KCNQ1OT1: variants seen among roughly 807,000 people sequenced by gnomAD.
KCNQ1OT1 encodes the protein KCNQ1 antisense RNA 2 (non-protein coding).
chr11:2,679,183 G>T lies in KCNQ1OT1; in HGVS notation n.20812C>A. 1 of 398,632 alleles carries T rather than the reference G, an allele frequency of 2.5e-6. No individual in the cohort carries two copies. Among genetic ancestry groups the T allele is most frequent in the Non-Finnish European group, 4.4e-6 (1 of 226,094 alleles). The allele number at this position is 398,632 out of a possible 1,614,324, so 24.7% of individuals were successfully genotyped here. On this transcript the variant is annotated non_coding_transcript_exon_variant, in exon 1 of 1. Transcript: ENST00000597346. The surrounding 1 kb of genome is among the most constrained non-coding windows in gnomAD (Gnocchi z 4.8). ...CGACTCAGTTTCCATGTCTGAGTTA[G>T]GCCACCTGTAACAATGCAGCCCCAT...
At position 2,611,229 on chromosome 11, in the gene KCNQ1OT1, T is replaced by C. The variant is rs921672199; in HGVS notation, n.88766A>G. 1 of 398,306 alleles carries C rather than the reference T, an allele frequency of 2.5e-6. No individual in the cohort carries two copies. Among genetic ancestry groups the C allele is most frequent in the Middle Eastern group, 6.3e-4 (1 of 1,588 alleles). 24.7% of individuals were successfully genotyped at this position (398,306 alleles called of 1,614,324 possible). ...TTTGTCTGATTTTATTTATTTTTAT[T>C]TTATTTTTGGGATGGAGTCTCACTC... is the stretch of plus-strand genomic sequence containing the variant. On this transcript the variant is annotated non_coding_transcript_exon_variant, in exon 1 of 1. Transcript: ENST00000597346. The surrounding 1 kb of genome is among the most constrained non-coding windows in gnomAD (Gnocchi z 5.3).
rs2133811956 is a variant in KCNQ1OT1 at position 2,627,658 on chromosome 11, T to C, written n.72337A>G. ...TGCTTTTTAAAGGATGAATATTTCATTGTGTGTGTGTATATATGTGTGTGT... is the reference window on the plus strand; with the variant it reads ...TGCTTTTTAAAGGATGAATATTTCACTGTGTGTGTGTATATATGTGTGTGT... On this transcript the variant is annotated non_coding_transcript_exon_variant, in exon 1 of 1. Coordinates refer to ENST00000597346, the Ensembl canonical transcript of KCNQ1OT1. This position sits in a 1 kb window ranked among gnomAD's most constrained non-coding sequence, Gnocchi z 4.9. 1 of 398,488 alleles carries C rather than the reference T, an allele frequency of 2.5e-6. No homozygotes were observed. 24.7% of individuals were successfully genotyped at this position (398,488 alleles called of 1,614,324 possible).
Position 2,669,075 on chromosome 11 carries a change from G to C in KCNQ1OT1, n.30920C>G, listed in dbSNP as rs577007419. 2.5e-6 allele frequency: 1 copy of C among 398,570 alleles called. No homozygotes were observed. Among genetic ancestry groups the C allele is most frequent in the Non-Finnish European group, 4.4e-6 (1 of 226,110 alleles). The allele number at this position is 398,570 out of a possible 1,614,324, so 24.7% of individuals were successfully genotyped here. ...CCCGTCCTCTCCCAACTACCCTGCC[G>C]TATCAGTGTCTTTACAATCAGCTCA... On this transcript the variant is annotated non_coding_transcript_exon_variant, in exon 1 of 1. Transcript: ENST00000597346. This position sits in a 1 kb window ranked among gnomAD's most constrained non-coding sequence, Gnocchi z 5.6.
exon 1 of KCNQ1OT1, chr11:2,614,562 A>G (rs79631790): frequency 0.017 from 6,682 of 398,464 alleles, 283 homozygotes; most frequent in East Asian, 0.11. Flanking sequence ...TTTATATGCT[A>G]TGAGTTATGG....
exon 1 of KCNQ1OT1, chr11:2,643,057 A>C: frequency 2.5e-6 from 1 of 398,030 alleles, no homozygotes; most frequent in Non-Finnish European, 4.4e-6. Context: ...ATATATATTT[A>C]AAATCATACT....
exon 1 of KCNQ1OT1, chr11:2,615,984 T>C: frequency 2.5e-6 from 1 of 398,206 alleles, no homozygotes; most frequent in Non-Finnish European, 4.4e-6. Context: ...ACGCCATCTG[T>C]GTAGCATTTT....
exon 1 of KCNQ1OT1, chr11:2,684,572 T>C (rs1302231100): frequency 5.0e-6 from 2 of 398,578 alleles, no homozygotes; most frequent in East Asian, 7.1e-5. Flanking sequence ...TAAATGACTT[T>C]CTGGCAGAGG....
At chr11:2,638,546 C>T (rs187876210) in exon 1 of KCNQ1OT1, 13 of 152,260 alleles carry the variant, frequency 8.5e-5, no homozygotes, top group African/African-American at 1.7e-4. Flanking sequence ...AGAGATCCGC[C>T]GTTAGTCTGA....
Position 2,621,404 on chromosome 11 carries a change from C to T in KCNQ1OT1, n.78591G>A. 1 of 398,452 alleles carries T rather than the reference C, an allele frequency of 2.5e-6. No individual in the cohort carries two copies. The highest frequency in any genetic ancestry group is 6.3e-4 in the Middle Eastern group (1 of 1,580). 24.7% of individuals were successfully genotyped at this position (398,452 alleles called of 1,614,324 possible). The stretch of plus-strand genomic sequence containing the variant: ...ATTCAATTGGATTATTCGTTTTTTG[C>T]TTGTTGATTGGTTTAAGTTCCTTAT... On this transcript the variant is annotated non_coding_transcript_exon_variant, in exon 1 of 1. Coordinates refer to ENST00000597346, the Ensembl canonical transcript of KCNQ1OT1. This position sits in a 1 kb window ranked among gnomAD's most constrained non-coding sequence, Gnocchi z 5.7.
At chr11:2,630,543 G>C (rs1849336378) in exon 1 of KCNQ1OT1, 2 of 398,122 alleles carry the variant, frequency 5.0e-6, no homozygotes, top group East Asian at 3.6e-5. Flanking sequence ...CATATCCATT[G>C]AGAAATTATG....
chr11:2,658,126 ATATGT>A lies in KCNQ1OT1; in HGVS notation n.41864_41868del. ...GGAGAGTATCAAAAAAAATCTGCAA[ATATGT>A]TAAAACTACCACAGCAATTAAAATA... On this transcript the variant is annotated non_coding_transcript_exon_variant, in exon 1 of 1. Transcript: ENST00000597346. The surrounding 1 kb of genome is among the most constrained non-coding windows in gnomAD (Gnocchi z 4.9). 2.5e-6 allele frequency: 1 copy of A among 398,610 alleles called. No homozygotes were observed. The highest frequency in any genetic ancestry group is 4.4e-6 in the Non-Finnish European group (1 of 226,044). 24.7% of individuals were successfully genotyped at this position (398,610 alleles called of 1,614,324 possible). A position where few individuals can be genotyped will look rare whatever the true frequency, so the allele number is the denominator to read the frequency against.
exon 1 of KCNQ1OT1, chr11:2,619,074 G>T (rs1849119142): frequency 2.5e-6 from 1 of 398,320 alleles, no homozygotes. Flanking sequence ...AGGTTGCTTT[G>T]TCAGAGTCTT....
At chr11:2,696,373 T>C (rs916676115) in exon 1 of KCNQ1OT1, 7 of 398,658 alleles carry the variant, frequency 1.8e-5, no homozygotes, top group Non-Finnish European at 3.1e-5. Flanking sequence ...CCCACTGATA[T>C]GTGGTGCCAC....
At chr11:2,632,506 G>A (rs1849377532) in exon 1 of KCNQ1OT1, 1 of 398,288 alleles carries the variant, frequency 2.5e-6, no homozygotes, top group Non-Finnish European at 4.4e-6. Flanking sequence ...TTTCTTCTAG[G>A]AGTCTTTTTC....
At chr11:2,633,109 T>C (rs927006815) in exon 1 of KCNQ1OT1, 1 of 398,438 alleles carries the variant, frequency 2.5e-6, no homozygotes, top group African/African-American at 2.1e-5. Context: ...ACAGCCATTC[T>C]AACTGAGGTG....
chr11:2,695,005 A>C lies in KCNQ1OT1; in HGVS notation n.4990T>G. ...AGGCTGGCAGAGCCAAAGCTCAGTG[A>C]GGGAGGACAGTGGTCAGAGAGGTAA... On this transcript the variant is annotated non_coding_transcript_exon_variant, in exon 1 of 1. Transcript: ENST00000597346. The surrounding 1 kb of genome is among the most constrained non-coding windows in gnomAD (Gnocchi z 5.2). The C allele has an allele frequency of 2.5e-6, 1 of 398,752 alleles. No individual in the cohort carries two copies. The highest frequency in any genetic ancestry group is 4.4e-6 in the Non-Finnish European group (1 of 226,122). 24.7% of individuals were successfully genotyped at this position (398,752 alleles called of 1,614,324 possible).
chr11:2,646,915 A>T (rs776565467), exon 1 of KCNQ1OT1: 11 of 398,540 alleles, frequency 2.8e-5, no homozygotes, highest in Non-Finnish European at 4.9e-5. Flanking sequence ...TTTTCTATGT[A>T]TAAGATTATG....
exon 1 of KCNQ1OT1, chr11:2,616,867 G>A (rs906060027): frequency 3.5e-5 from 14 of 398,174 alleles, no homozygotes; most frequent in East Asian, 2.5e-4. Flanking sequence ...TGGGTGGAGT[G>A]TCCATATATG....
Position 2,609,674 on chromosome 11 carries a change from A to T in KCNQ1OT1, n.90321T>A, listed in dbSNP as rs1046643338. On this transcript the variant is annotated non_coding_transcript_exon_variant, in exon 1 of 1. Transcript: ENST00000597346. ...GGCTATTTCTCTGTTCAGTTCTGTC[A>T]GTTTTTGCTTCTTATGTTTTAGTTC... 1.2e-4 allele frequency: 46 copies of T among 398,192 alleles called. No individual in the cohort carries two copies. Among genetic ancestry groups the T allele is most frequent in the Admixed American group, 1.3e-4 (3 of 22,710 alleles). 24.7% of individuals were successfully genotyped at this position (398,192 alleles called of 1,614,324 possible). A position where few individuals can be genotyped will look rare whatever the true frequency, so the allele number is the denominator to read the frequency against.
Sources: allele counts gnomAD v4.1 joint callset, GRCh38; gene constraint gnomAD v4.1.1; non-coding constraint Gnocchi (gnomAD v3.1); transcripts MANE v1.5; gene names NCBI Gene and HGNC (gene_info 2026-07-23, HGNC 2026-07-21).